RPS6KC1: variants seen among roughly 807,000 people sequenced by gnomAD.
RPS6KC1 encodes inactive ribosomal protein S6 kinase delta-1.
A neutral mutation model predicts 103.8 loss-of-function variants in RPS6KC1; 54 were observed. The observed-to-expected ratio is 0.52, with a 90% CI of 0.42 to 0.65. The LOEUF is 0.65. Ranked by LOEUF, RPS6KC1 falls within the 30% of genes least tolerant of loss-of-function variation. The pLI is 0.00. For missense variants in RPS6KC1, 1,151 were observed against 1,253.8 expected, an observed-to-expected ratio of 0.92 and a Z score of 1.24; for synonymous variants, 439 against 438.7, an observed-to-expected ratio of 1.00 and a Z score of -0.01.
chr1:213,272,193 C>G (rs1343388378), intron 14 of RPS6KC1, among the ~76,000 whole-genome samples: 1 of 152,090 alleles, frequency 6.6e-6, no homozygotes, highest in African/African-American at 2.4e-5. Context: ...AGTGCAATAT[C>G]TAATTAATGT....
At chr1:213,476,763 T>A in the RPS6KC1 span, among the ~76,000 whole-genome samples, 1 of 152,194 alleles carries the variant, frequency 6.6e-6, no homozygotes, top group Non-Finnish European at 1.5e-5. Flanking sequence ...ACTGTTGCCC[T>A]TGTGCTATTT....
At chr1:213,805,123 C>T in the RPS6KC1 span, among the ~76,000 whole-genome samples, 6 of 152,202 alleles carry the variant, frequency 3.9e-5, no homozygotes, top group Non-Finnish European at 8.8e-5. Context: ...GAGCCTTCAG[C>T]GAATTGGCAC....
At chr1:213,399,531 TC>T in the RPS6KC1 span, among the ~76,000 whole-genome samples, 1 of 152,082 alleles carries the variant, frequency 6.6e-6, no homozygotes, top group East Asian at 1.9e-4. Context: ...CTGCTTAAAC[TC>T]CCTGACTTCT....
chr1:213,662,558 G>A, the RPS6KC1 span, among the ~76,000 whole-genome samples: 17 of 151,892 alleles, frequency 1.1e-4, no homozygotes, highest in East Asian at 1.6e-3. Flanking sequence ...GGTTACAGGC[G>A]TGAGCCACTG....
At chr1:213,395,305 A>G in the RPS6KC1 span, among the ~76,000 whole-genome samples, 13 of 152,308 alleles carry the variant, frequency 8.5e-5, no homozygotes, top group Non-Finnish European at 1.5e-4. Context: ...TCATGTTTGT[A>G]AAGAGTCTGG....
the RPS6KC1 span, among the ~76,000 whole-genome samples, chr1:213,525,637 G>A: frequency 6.6e-6 from 1 of 152,120 alleles, no homozygotes; most frequent in African/African-American, 2.4e-5. Flanking sequence ...AGAAAACAAA[G>A]ATGAAGTAGC....
chr1:213,216,996 G>A (rs1469574850), intron 8 of RPS6KC1, among the ~76,000 whole-genome samples: 1 of 151,714 alleles, frequency 6.6e-6, no homozygotes, highest in East Asian at 1.9e-4. Flanking sequence ...TCAAAAGCTA[G>A]CAGAAGGCAA....
the RPS6KC1 span, among the ~76,000 whole-genome samples, chr1:213,602,190 T>TTTCTTTC: frequency 3.3e-5 from 2 of 60,580 alleles, no homozygotes; most frequent in Non-Finnish European, 6.2e-5. Context: ...TTCTTTCTTT[T>TTTCTTTC]TCCCTCCCTC....
At chr1:213,837,437 G>A in the RPS6KC1 span, 1 of 152,126 alleles carries the variant, frequency 6.6e-6, no homozygotes, top group African/African-American at 2.4e-5. Context: ...ATATACAAAG[G>A]GAAACATGAT....
chr1:213,521,131 A>G, the RPS6KC1 span, among the ~76,000 whole-genome samples: 2 of 152,148 alleles, frequency 1.3e-5, no homozygotes, highest in South Asian at 2.1e-4. Context: ...ATGTAAGTCT[A>G]CCTTATTATC....
the RPS6KC1 span, among the ~76,000 whole-genome samples, chr1:213,662,088 CT>C: frequency 6.6e-6 from 1 of 152,072 alleles, no homozygotes; most frequent in Non-Finnish European, 1.5e-5. Context: ...GTTTCTAGGT[CT>C]TTCCCGGAAC....
At chr1:213,581,808 T>G in the RPS6KC1 span, among the ~76,000 whole-genome samples, 1 of 152,120 alleles carries the variant, frequency 6.6e-6, no homozygotes, top group African/African-American at 2.4e-5. Context: ...TTCGCTGGTA[T>G]TATGCTTTTT....
chr1:213,732,731 C>G, the RPS6KC1 span, among the ~76,000 whole-genome samples: 1 of 152,058 alleles, frequency 6.6e-6, no homozygotes, highest in African/African-American at 2.4e-5. Context: ...GGTTCTGCCA[C>G]AAGTGAGAAA....
At chr1:213,330,177 C>G in the RPS6KC1 span, among the ~76,000 whole-genome samples, 4 of 152,232 alleles carry the variant, frequency 2.6e-5, no homozygotes, top group African/African-American at 7.2e-5. Flanking sequence ...CCCATCTCCC[C>G]TCCCATCCAT....
the RPS6KC1 span, among the ~76,000 whole-genome samples, chr1:213,366,282 G>A: frequency 1.3e-5 from 2 of 152,200 alleles, no homozygotes; most frequent in African/African-American, 4.8e-5. Context: ...GCTGTGAGAC[G>A]CACGGAGACA....
At chr1:213,420,756 T>C in the RPS6KC1 span, among the ~76,000 whole-genome samples, 11 of 152,152 alleles carry the variant, frequency 7.2e-5, no homozygotes, top group African/African-American at 2.7e-4. Flanking sequence ...GACAAAGTAC[T>C]ATGAACTGGG....
intron 3 of RPS6KC1, among the ~76,000 whole-genome samples, chr1:213,101,046 A>G (rs1485894222): frequency 6.6e-6 from 1 of 152,164 alleles, no homozygotes; most frequent in Non-Finnish European, 1.5e-5. Context: ...ACTCCCACCA[A>G]CAGTTTATAA....
intron 6 of RPS6KC1, among the ~76,000 whole-genome samples, chr1:213,137,598 G>A (rs535358298): frequency 1.2e-3 from 180 of 151,488 alleles, no homozygotes; most frequent in African/African-American, 3.2e-3. Flanking sequence ...CTCCCAAAGC[G>A]CCAGGATTAG....
chr1:213,805,933 C>T, the RPS6KC1 span, among the ~76,000 whole-genome samples: 3 of 152,226 alleles, frequency 2.0e-5, no homozygotes, highest in Non-Finnish European at 4.4e-5. Context: ...TCTCCTTGTA[C>T]ATCTTCATCA....
Sources: gnomAD v4.1 joint callset for allele counts (sites outside exome capture counted in the v4.1 genomes callset) on GRCh38, gnomAD v4.1.1 for gene constraint, MANE v1.5 for transcripts, NCBI Gene and HGNC (gene_info 2026-07-23, HGNC 2026-07-21) for gene names.